Variants in ASTN2 observed in about 807,000 individuals in gnomAD.
ASTN2 encodes the protein astrotactin-2.
Under a neutral mutation model 139.8 loss-of-function variants are expected in ASTN2, and 54 were observed. The observed-to-expected ratio is 0.39, with a 90% CI of 0.31 to 0.48. The LOEUF (loss-of-function observed/expected upper bound fraction) is 0.48. Ranked by LOEUF, ASTN2 falls within the 20% of genes least tolerant of loss-of-function variation. The pLI, the probability that ASTN2 is intolerant of heterozygous loss-of-function variation, is 0.95. For missense variants in ASTN2, 1,565 were observed against 1,725.1 expected (o/e 0.91, Z 1.64); for synonymous variants, 756 against 719.5 (o/e 1.05, Z -0.81).
At chr9:116,694,459 CTTTTTTTTTTT>C (rs56666915) in intron 16 of ASTN2, among the ~76,000 whole-genome samples, 1 of 88,038 alleles carries the variant, frequency 1.1e-5, no homozygotes, top group African/African-American at 4.7e-5. Context: ...TGTAATTTCT[CTTTTTTTTTTT>C]TTTTTTTTTG....
chr9:117,071,545 C>G (rs1424549419), intron 5 of ASTN2, among the ~76,000 whole-genome samples: 15 of 147,754 alleles, frequency 1.0e-4, no homozygotes, highest in African/African-American at 3.0e-4. Context: ...CCACCCAGTT[C>G]GAGCTTCCCA....
intron 3 of ASTN2, among the ~76,000 whole-genome samples, chr9:117,167,703 G>A (rs1830700141): frequency 6.6e-6 from 1 of 152,076 alleles, no homozygotes; most frequent in Non-Finnish European, 1.5e-5. Flanking sequence ...TCTGAACAAG[G>A]AAGACATTGA....
At chr9:116,503,028 A>G (rs1400812498) in intron 19 of ASTN2, among the ~76,000 whole-genome samples, 3 of 149,776 alleles carry the variant, frequency 2.0e-5, no homozygotes, top group Non-Finnish European at 3.0e-5. Context: ...GGAAAGAAAA[A>G]AGGAGGAAGG....
intron 3 of ASTN2, among the ~76,000 whole-genome samples, chr9:117,211,966 A>T (rs940247316): frequency 6.6e-6 from 1 of 152,176 alleles, no homozygotes; most frequent in Non-Finnish European, 1.5e-5. Context: ...AAATAACAAA[A>T]TTGGAAGTAT....
At chr9:116,670,549 GGGTAGA>G (rs1255471929) in intron 16 of ASTN2, among the ~76,000 whole-genome samples, 1 of 152,196 alleles carries the variant, frequency 6.6e-6, no homozygotes, top group African/African-American at 2.4e-5. Flanking sequence ...ATAATATGTT[GGGTAGA>G]GGTGAGGGGT....
chr9:116,618,451 C>G lies in ASTN2; in HGVS notation c.3228G>C (p.Val1076=), dbSNP rs774698679. ...AGGAGACCACAGTACTGGAGGGCTC[C>G]ACTGTTGGGGACAGCCGCAGCCTAC... The part of the protein sequence containing the change: ...LQPVLRLSPT[V]EPSSTVVSLE... The change falls in exon 19 of 23, where the codon GTG becomes GTC. Residue 1076 remains valine, a synonymous_variant. Coordinates refer to ENST00000313400, the MANE Select transcript of ASTN2 (RefSeq NM_001365068.1). 1.2e-6 allele frequency: 2 copies of G among 1,613,700 alleles called. No homozygotes were observed. The highest frequency in any genetic ancestry group is 1.1e-5 in the South Asian group (1 of 90,968).
intron 17 of ASTN2, among the ~76,000 whole-genome samples, chr9:116,637,932 C>G (rs140121966): frequency 6.6e-6 from 1 of 152,042 alleles, no homozygotes. Context: ...AGAGTGAGAC[C>G]TGGTCTCAAA....
chr9:116,613,453 T>C (rs932081579), intron 19 of ASTN2: 3 of 152,410 alleles, frequency 2.0e-5, no homozygotes, highest in Admixed American at 2.0e-4. Flanking sequence ...ATATCCCTGA[T>C]GAACATCGAT....
At chr9:116,670,379 A>T (rs768399538) in intron 16 of ASTN2, among the ~76,000 whole-genome samples, 5 of 151,996 alleles carry the variant, frequency 3.3e-5, no homozygotes, top group Non-Finnish European at 5.9e-5. Context: ...CTGGTCAAGT[A>T]TGACTGAGTG....
chr9:116,838,107 T>TTG (rs1303058782), intron 11 of ASTN2, among the ~76,000 whole-genome samples: 1 of 137,658 alleles, frequency 7.3e-6, no homozygotes, highest in Non-Finnish European at 1.6e-5. Flanking sequence ...CTGTGTTTTT[T>TTG]TTTGTTTTGT....
intron 19 of ASTN2, among the ~76,000 whole-genome samples, chr9:116,549,985 A>G (rs577528039): frequency 6.6e-6 from 1 of 152,304 alleles, no homozygotes; most frequent in African/African-American, 2.4e-5. Context: ...ACGCAATGGA[A>G]CCCACAGGCA....
At chr9:117,225,267 G>A (rs1832665787) in intron 2 of ASTN2, among the ~76,000 whole-genome samples, 1 of 151,878 alleles carries the variant, frequency 6.6e-6, no homozygotes, top group Admixed American at 6.6e-5. Context: ...TAATTCGCAT[G>A]AGCCATTTAA....
chr9:117,195,600 C>T (rs1036953214), intron 3 of ASTN2, among the ~76,000 whole-genome samples: 7 of 151,918 alleles, frequency 4.6e-5, no homozygotes, highest in Admixed American at 1.3e-4. Context: ...GGGGTGAAGG[C>T]GAGGAGTCTG....
chr9:117,182,351 A>G (rs1564465227), intron 3 of ASTN2, among the ~76,000 whole-genome samples: 2 of 152,056 alleles, frequency 1.3e-5, no homozygotes, highest in African/African-American at 2.4e-5. Context: ...ACACAAACAC[A>G]TACCCCACAG....
In ASTN2 at chr9:116,651,572, C is replaced by G. The variant is rs755451708; in HGVS notation, c.3028G>C (p.Val1010Leu). 2 of 1,614,188 alleles carry G rather than the reference C, an allele frequency of 1.2e-6. No individual in the cohort carries two copies. Among genetic ancestry groups the G allele is most frequent in the Non-Finnish European group, 1.7e-6 (2 of 1,180,038 alleles). ...PTPVLLEINR[V>L]VPLYTLIQDN... ...TGGATGAGGGTATAAAGTGGCACCA[C>G]ACGGTTGATTTCCAGCAGCACTGGT... The change falls in exon 17 of 23, where the codon GTG becomes CTG. Residue 1010 changes from valine to leucine, a missense_variant. Coordinates refer to ENST00000313400, the MANE Select transcript of ASTN2 (RefSeq NM_001365068.1).
intron 1 of ASTN2, among the ~76,000 whole-genome samples, chr9:117,341,690 A>C (rs1025239827): frequency 2.0e-5 from 3 of 152,138 alleles, no homozygotes; most frequent in Non-Finnish European, 2.9e-5. Flanking sequence ...AGGAGGATAC[A>C]AAGCAGGAAA....
At position 116,423,315 on chromosome 9, in the gene ASTN2, G is replaced by A. The variant is rs553484688; in HGVS notation, c.*2536C>T. Among the ~76,000 whole-genome samples the A allele has an allele frequency of 7.9e-5, 12 of 152,286 alleles. No homozygotes were observed. Among genetic ancestry groups the A allele is most frequent in the Middle Eastern group, 3.4e-3 (1 of 294 alleles). ...TCAAGCTGGGAAACAACCCCTTGAG[G>A]TGGGACCAGCATTGACTCCACTTTG... On this transcript the variant is annotated 3_prime_UTR_variant, in exon 23 of 23. Coordinates refer to ENST00000313400, the MANE Select transcript of ASTN2 (RefSeq NM_001365068.1).
At position 117,414,401 on chromosome 9, in the gene ASTN2, C is replaced by G; in HGVS notation, c.442+96G>C. 2 of 1,551,288 alleles carry G rather than the reference C, an allele frequency of 1.3e-6. No homozygotes were observed. Among genetic ancestry groups the G allele is most frequent in the Admixed American group, 3.6e-5 (2 of 55,224 alleles). On this transcript the variant is annotated intron_variant, in intron 1 of 22. Coordinates refer to ENST00000313400, the MANE Select transcript of ASTN2 (RefSeq NM_001365068.1). The surrounding 1 kb of genome is among the most constrained non-coding windows in gnomAD (Gnocchi z 4.2). ...CTCTGCCAACCCCACTCGGGGCAGC[C>G]CCGGGCAGGGATCCCCAGGGCGCCC...
At chr9:117,237,073 T>C (rs1363914615) in intron 2 of ASTN2, among the ~76,000 whole-genome samples, 2 of 152,196 alleles carry the variant, frequency 1.3e-5, no homozygotes, top group Non-Finnish European at 2.9e-5. Context: ...TTTGGCATTT[T>C]CTATCTGCCA....
Sources: gnomAD v4.1 joint callset for allele counts (sites outside exome capture counted in the v4.1 genomes callset) on GRCh38, gnomAD v4.1.1 for gene constraint, Gnocchi (gnomAD v3.1) non-coding constraint, MANE v1.5 for transcripts, NCBI Gene and HGNC (gene_info 2026-07-23, HGNC 2026-07-21) for gene names.